Variants in PALM2AKAP2 observed in about 807,000 individuals in gnomAD.
PALM2AKAP2 encodes the protein PALM2-AKAP2 fusion protein.
In PALM2AKAP2, 37 loss-of-function variants were observed where a neutral mutation model predicts 71.5. The ratio of observed to expected loss-of-function variants is 0.52; its 90% confidence interval spans 0.40 to 0.68. The LOEUF (loss-of-function observed/expected upper bound fraction) is 0.68. Among genes scored for constraint, PALM2AKAP2 ranks in the 30% least tolerant of loss-of-function variants. The probability of loss-of-function intolerance (pLI) is 0.00; values close to 1 mark genes in which losing one functional copy is unlikely to be tolerated. For synonymous variants in PALM2AKAP2, 468 were observed against 478.8 expected, an observed-to-expected ratio of 0.98 and a Z score of 0.29; for missense variants, 1,224 against 1,191.8, an observed-to-expected ratio of 1.03 and a Z score of -0.40.
chr9:109,809,138 G>T (rs1406101704), intron 1 of PALM2AKAP2, among the ~76,000 whole-genome samples: 1 of 152,210 alleles, frequency 6.6e-6, no homozygotes, highest in Non-Finnish European at 1.5e-5. Context: ...CCCCACTAGG[G>T]CACTGCCTAG....
At chr9:109,807,771 C>G (rs753373676) in intron 1 of PALM2AKAP2, among the ~76,000 whole-genome samples, 2 of 152,174 alleles carry the variant, frequency 1.3e-5, no homozygotes, top group Non-Finnish European at 2.9e-5. Flanking sequence ...CAAATCTCAT[C>G]TTGAATTGTA....
chr9:109,677,903 T>C (rs1262128100), intron 1 of PALM2AKAP2, among the ~76,000 whole-genome samples: 1 of 152,042 alleles, frequency 6.6e-6, no homozygotes, highest in African/African-American at 2.4e-5. Context: ...TCAAGACAAA[T>C]GGGAAATTAA....
chr9:109,680,700 T>A (rs1827714534), intron 1 of PALM2AKAP2, among the ~76,000 whole-genome samples: 1 of 152,224 alleles, frequency 6.6e-6, no homozygotes, highest in Non-Finnish European at 1.5e-5. Flanking sequence ...GCAAATAGAA[T>A]AACTAATTTA....
chr9:109,735,947 T>A (rs1828623627), intron 1 of PALM2AKAP2, among the ~76,000 whole-genome samples: 1 of 152,210 alleles, frequency 6.6e-6, no homozygotes, highest in South Asian at 2.1e-4. Context: ...TGGGACCAAA[T>A]GAGAAGAAGA....
chr9:110,072,524 A>T (rs979864922), intron 1 of PALM2AKAP2, among the ~76,000 whole-genome samples: 2 of 152,252 alleles, frequency 1.3e-5, no homozygotes, highest in Non-Finnish European at 2.9e-5. Context: ...GCCCTCTAGC[A>T]TCTCTGAGAA....
At chr9:109,741,551 A>G (rs1828715878) in intron 1 of PALM2AKAP2, among the ~76,000 whole-genome samples, 2 of 152,192 alleles carry the variant, frequency 1.3e-5, no homozygotes, top group South Asian at 4.1e-4. Context: ...TTCCCAAGCG[A>G]TGGAACAATT....
At chr9:109,896,582 G>A (rs1378443041) in intron 3 of PALM2AKAP2, among the ~76,000 whole-genome samples, 1 of 152,038 alleles carries the variant, frequency 6.6e-6, no homozygotes, top group African/African-American at 2.4e-5. Context: ...AGCCTGAGGC[G>A]TGAAGATTGC....
chr9:109,670,058 C>A (rs1459431447), intron 1 of PALM2AKAP2, among the ~76,000 whole-genome samples: 2 of 151,994 alleles, frequency 1.3e-5, no homozygotes, highest in Non-Finnish European at 2.9e-5. Flanking sequence ...ACATTAGATG[C>A]ATGCCACAAA....
chr9:109,696,988 C>T (rs1294009413), intron 1 of PALM2AKAP2, among the ~76,000 whole-genome samples: 2 of 152,140 alleles, frequency 1.3e-5, no homozygotes, highest in Non-Finnish European at 2.9e-5. Flanking sequence ...CTCATCTTTC[C>T]TTAGCTTCTT....
chr9:109,828,476 C>G (rs1828214486), intron 1 of PALM2AKAP2, among the ~76,000 whole-genome samples: 1 of 152,150 alleles, frequency 6.6e-6, no homozygotes, highest in Admixed American at 6.5e-5. Context: ...CATCAAGCAT[C>G]GGTCGATGAT....
At chr9:109,743,892 C>T (rs924515161) in intron 1 of PALM2AKAP2, among the ~76,000 whole-genome samples, 2 of 152,170 alleles carry the variant, frequency 1.3e-5, no homozygotes, top group Non-Finnish European at 2.9e-5. Flanking sequence ...GAATGAATTC[C>T]AGCAAATGAC....
chr9:109,887,377 G>A (rs1243929100), intron 3 of PALM2AKAP2, among the ~76,000 whole-genome samples: 2 of 152,180 alleles, frequency 1.3e-5, no homozygotes, highest in Non-Finnish European at 2.9e-5. Context: ...TTCCACATCT[G>A]TGCACTTCCA....
At chr9:109,993,932 C>T (rs951736267) in intron 6 of PALM2AKAP2, among the ~76,000 whole-genome samples, 1 of 152,090 alleles carries the variant, frequency 6.6e-6, no homozygotes, top group Admixed American at 6.6e-5. Flanking sequence ...GCAGCTCAGC[C>T]TCTCTCTTTT....
intron 1 of PALM2AKAP2, among the ~76,000 whole-genome samples, chr9:109,662,678 C>T (rs929759723): frequency 6.6e-6 from 1 of 152,094 alleles, no homozygotes; most frequent in African/African-American, 2.4e-5. Context: ...TGATGTTGGC[C>T]TCATAAAATG....
chr9:109,842,040 G>T (rs1333873566), intron 1 of PALM2AKAP2, among the ~76,000 whole-genome samples: 2 of 151,820 alleles, frequency 1.3e-5, no homozygotes, highest in Non-Finnish European at 2.9e-5. Flanking sequence ...GGAGGCCAGG[G>T]TCTAAACCCC....
intron 1 of PALM2AKAP2, among the ~76,000 whole-genome samples, chr9:110,103,083 G>C (rs1392607961): frequency 6.6e-6 from 1 of 152,144 alleles, no homozygotes; most frequent in Non-Finnish European, 1.5e-5. Context: ...GGGCAGCTCA[G>C]CTTTCCCTTC....
rs187117297 is a variant in PALM2AKAP2 at position 110,017,064 on chromosome 9, A to T, written c.582+1025A>T. ...CTGGCTAATTTTTTGTATTTTTAGT[A>T]GAGACGGGGTTTCACCGTGTTAGCC... is the stretch of plus-strand genomic sequence containing the variant. On this transcript the variant is annotated intron_variant, in intron 7 of 9. Transcript: ENST00000302798. Among the ~76,000 whole-genome samples, 17 of 152,274 alleles carry T rather than the reference A, an allele frequency of 1.1e-4. No homozygotes were observed. In the East Asian group the frequency reaches 3.1e-3, roughly 28 times the overall value.
intron 6 of PALM2AKAP2, among the ~76,000 whole-genome samples, chr9:109,973,468 A>G (rs1832109927): frequency 6.6e-6 from 1 of 152,226 alleles, no homozygotes; most frequent in Non-Finnish European, 1.5e-5. Flanking sequence ...TAGGAGAACC[A>G]TATAGTGGCT....
intron 1 of PALM2AKAP2, among the ~76,000 whole-genome samples, chr9:109,679,279 T>G (rs1424821514): frequency 1.3e-5 from 2 of 152,100 alleles, no homozygotes; most frequent in Non-Finnish European, 2.9e-5. Flanking sequence ...GAGCAAAGAT[T>G]TACAAAGAGA....
Sources: gnomAD v4.1 joint callset for allele counts (sites outside exome capture counted in the v4.1 genomes callset) on GRCh38, gnomAD v4.1.1 for gene constraint, MANE v1.5 for transcripts, NCBI Gene and HGNC (gene_info 2026-07-23, HGNC 2026-07-21) for gene names.